GLDN: variants seen among roughly 807,000 people sequenced by gnomAD.
The protein encoded by GLDN is collomin.
GLDN carries 47 observed loss-of-function variants against 56.5 expected under a neutral mutation model. The ratio of observed to expected loss-of-function variants is 0.83; its 90% CI spans 0.66 to 1.06. The LOEUF is 1.06. GLDN is among the 50% of genes least tolerant of loss of function. GLDN has a pLI of 0.00. For missense variants in GLDN, 782 were observed against 714.3 expected (o/e 1.09, Z -1.08); for synonymous variants, 332 against 278.8 (o/e 1.19, Z -1.90).
chr15:51,383,304 C>A (rs10162847), intron 2 of GLDN, 132 bp from the exon 3 acceptor site: 1 of 943,778 alleles, frequency 1.1e-6, no homozygotes, highest in Non-Finnish European at 1.6e-6. Flanking sequence ...CCAAATATAA[C>A]GAGTTCTAAA....
chr15:51,400,808 T>C (rs1251214408), intron 8 of GLDN, among the ~76,000 whole-genome samples: 4 of 152,102 alleles, frequency 2.6e-5, no homozygotes, highest in African/African-American at 4.8e-5. Flanking sequence ...CTCCAAACCA[T>C]AATGGGAAAA....
At chr15:51,351,810 T>C (rs1201143251) in intron 1 of GLDN, among the ~76,000 whole-genome samples, 3 of 152,216 alleles carry the variant, frequency 2.0e-5, no homozygotes, top group Non-Finnish European at 4.4e-5. Flanking sequence ...GTCAGATGGA[T>C]TCATATCCTG....
chr15:51,379,227 T>C (rs1378979222), intron 2 of GLDN, among the ~76,000 whole-genome samples: 1 of 152,218 alleles, frequency 6.6e-6, no homozygotes, highest in African/African-American at 2.4e-5. Flanking sequence ...CAACACATGC[T>C]TTTCTGAATG....
chr15:51,374,600 CAGAG>C (rs1391031547), intron 1 of GLDN, among the ~76,000 whole-genome samples: 2 of 152,182 alleles, frequency 1.3e-5, no homozygotes, highest in African/African-American at 4.8e-5. Flanking sequence ...TACTCCAACT[CAGAG>C]AGCTATTGGG....
chr15:51,393,483 T>C (rs1018866727), intron 4 of GLDN, among the ~76,000 whole-genome samples: 4 of 152,208 alleles, frequency 2.6e-5, no homozygotes, highest in African/African-American at 9.7e-5. Context: ...CTGATAATTT[T>C]ATAGTGAACA....
At chr15:51,395,288 A>G (rs181356852) in intron 5 of GLDN, among the ~76,000 whole-genome samples, 14 of 152,318 alleles carry the variant, frequency 9.2e-5, no homozygotes, top group African/African-American at 3.4e-4. Context: ...GAATAAGACA[A>G]GTAAGCAGGC....
chr15:51,372,533 C>G (rs2037537609), intron 1 of GLDN, among the ~76,000 whole-genome samples: 1 of 152,320 alleles, frequency 6.6e-6, no homozygotes, highest in East Asian at 1.9e-4. Flanking sequence ...TTATTTTGCA[C>G]TCAGGTTGAC....
At chr15:51,366,416 GT>G (rs1595813319) in intron 1 of GLDN, among the ~76,000 whole-genome samples, 1 of 152,240 alleles carries the variant, frequency 6.6e-6, no homozygotes, top group East Asian at 1.9e-4. Flanking sequence ...GATAGAGCCT[GT>G]AGGGCTCCAG....
chr15:51,382,736 A>G (rs370125856), intron 2 of GLDN, among the ~76,000 whole-genome samples: 3 of 149,842 alleles, frequency 2.0e-5, no homozygotes, highest in Non-Finnish European at 2.9e-5. Context: ...CAAAAAAAAA[A>G]AAAAGAAAAG....
intron 6 of GLDN, 94 bp from the exon 7 acceptor site, chr15:51,400,098 C>A: frequency 1.9e-6 from 2 of 1,064,496 alleles, no homozygotes. Flanking sequence ...AGACTAGAGT[C>A]TGGAATGAGG....
At chr15:51,380,601 G>A (rs2037737260) in intron 2 of GLDN, among the ~76,000 whole-genome samples, 1 of 152,148 alleles carries the variant, frequency 6.6e-6, no homozygotes, top group African/African-American at 2.4e-5. Flanking sequence ...TGTCTGCCCG[G>A]ACTGCTGAGC....
chr15:51,380,141 G>T (rs887814776), intron 2 of GLDN, among the ~76,000 whole-genome samples: 2 of 152,142 alleles, frequency 1.3e-5, no homozygotes, highest in African/African-American at 4.8e-5. Context: ...CTAGGAAGGT[G>T]GTGGGAGTTG....
intron 8 of GLDN, among the ~76,000 whole-genome samples, chr15:51,401,083 A>G (rs909171204): frequency 2.0e-5 from 3 of 152,238 alleles, no homozygotes; most frequent in Non-Finnish European, 4.4e-5. Flanking sequence ...TTGGAGAAAT[A>G]GCTGAGAAGA....
intron 1 of GLDN, among the ~76,000 whole-genome samples, chr15:51,356,094 C>A (rs2141057393): frequency 6.6e-6 from 1 of 151,830 alleles, no homozygotes; most frequent in South Asian, 2.1e-4. Flanking sequence ...GTGGTCCCAG[C>A]CACTCCAGAG....
At chr15:51,372,158 G>C (rs567261784) in intron 1 of GLDN, among the ~76,000 whole-genome samples, 2 of 151,930 alleles carry the variant, frequency 1.3e-5, no homozygotes, top group African/African-American at 4.8e-5. Flanking sequence ...TTCACATGAA[G>C]CCACCAGTTC....
intron 1 of GLDN, among the ~76,000 whole-genome samples, chr15:51,365,573 G>T (rs1261440458): frequency 6.6e-6 from 1 of 152,076 alleles, no homozygotes; most frequent in African/African-American, 2.4e-5. Context: ...GGTCATCGAG[G>T]TTTGGAGAGG....
intron 4 of GLDN, chr15:51,384,317 C>T (rs917393896): frequency 1.3e-5 from 3 of 227,608 alleles, no homozygotes; most frequent in Non-Finnish European, 2.6e-5. Flanking sequence ...CTGATGTTGG[C>T]CCCTGGTAAG....
At chr15:51,342,552 G>A (rs2036905842) in intron 1 of GLDN, among the ~76,000 whole-genome samples, 1 of 152,194 alleles carries the variant, frequency 6.6e-6, no homozygotes, top group Admixed American at 6.5e-5. Flanking sequence ...ATTCCTGCGA[G>A]ATGGCCGGCC....
chr15:51,348,244 A>G (rs957839769), intron 1 of GLDN, among the ~76,000 whole-genome samples: 2 of 152,126 alleles, frequency 1.3e-5, no homozygotes, highest in African/African-American at 2.4e-5. Flanking sequence ...GCTGATGGTG[A>G]CTGTACAAGA....
Sources: allele counts gnomAD v4.1 joint callset (sites outside exome capture counted in the v4.1 genomes callset), GRCh38; gene constraint gnomAD v4.1.1; transcripts MANE v1.5; gene names NCBI Gene and HGNC (gene_info 2026-07-23, HGNC 2026-07-21).